The following SMARCA5 variants were observed in gnomAD, a reference collection of about 807,000 sequenced individuals.
The protein encoded by SMARCA5 is SWI/SNF-related matrix-associated actin-dependent regulator of chromatin subfamily A member 5.
SMARCA5 carries 18 observed loss-of-function variants against 140.4 expected under a neutral mutation model. The observed-to-expected ratio is 0.13, with a 90% CI of 0.09 to 0.19. The LOEUF (loss-of-function observed/expected upper bound fraction) is 0.19. Among genes scored for constraint, SMARCA5 ranks in the 10% least tolerant of loss-of-function variants. The pLI is 1.00. For synonymous variants in SMARCA5, 449 were observed against 419.6 expected, an observed-to-expected ratio of 1.07 and a Z score of -0.86; for missense variants, 606 against 1,276.8, an observed-to-expected ratio of 0.47 and a Z score of 8.01.
intron 9 of SMARCA5, among the ~76,000 whole-genome samples, chr4:143,533,906 T>C (rs962250725): frequency 2.6e-5 from 4 of 152,184 alleles, no homozygotes; most frequent in Non-Finnish European, 2.9e-5. Flanking sequence ...AACAAGTATA[T>C]ACTCAAACAT....
At chr4:143,540,758 A>C (rs1737411349) in intron 14 of SMARCA5, among the ~76,000 whole-genome samples, 2 of 152,192 alleles carry the variant, frequency 1.3e-5, no homozygotes, top group South Asian at 4.1e-4. Context: ...CTCATCTGTT[A>C]AGTGGGGATA....
At chr4:143,535,726 CTTG>C (rs1737288988) in intron 10 of SMARCA5, among the ~76,000 whole-genome samples, 1 of 152,038 alleles carries the variant, frequency 6.6e-6, no homozygotes, top group Non-Finnish European at 1.5e-5. Flanking sequence ...AAAGGTCTGC[CTTG>C]TTGTTTAAGC....
chr4:143,551,814 A>T (rs181089857), intron 23 of SMARCA5, among the ~76,000 whole-genome samples: 1 of 152,164 alleles, frequency 6.6e-6, no homozygotes, highest in East Asian at 1.9e-4. Flanking sequence ...TGGTTACTAT[A>T]GCTCGGTACT....
chr4:143,540,640 T>A, intron 14 of SMARCA5, 145 bp downstream of exon 14: 1 of 712,772 alleles, frequency 1.4e-6, no homozygotes, highest in Non-Finnish European at 2.3e-6. Context: ...GCAAATACAG[T>A]AAACTTTAGT....
At chr4:143,542,117 C>T (rs188987931) in intron 14 of SMARCA5, among the ~76,000 whole-genome samples, 170 of 152,262 alleles carry the variant, frequency 1.1e-3, no homozygotes, top group African/African-American at 3.9e-3. Context: ...ACCTCAGCCT[C>T]CCAAAGTGCT....
intron 9 of SMARCA5, among the ~76,000 whole-genome samples, chr4:143,532,943 G>A (rs1435725370): frequency 2.0e-5 from 3 of 152,132 alleles, no homozygotes; most frequent in Admixed American, 6.6e-5. Flanking sequence ...GGCTGAACTA[G>A]CTTTTCTACG....
At position 143,547,431 on chromosome 4, in the gene SMARCA5, T is replaced by G; in HGVS notation, c.2700T>G (p.Ile900Met). 1 of 1,611,006 alleles carries G rather than the reference T, an allele frequency of 6.2e-7. No homozygotes were observed. The highest frequency in any genetic ancestry group is 8.5e-7 in the Non-Finnish European group (1 of 1,177,602). Reference protein sequence around the residue: ...RCNELQDIEKIMAQIERGEAR... With the variant: ...RCNELQDIEKMMAQIERGEAR... Reference sequence around the variant, plus strand: ...ACGAGCTCCAGGACATAGAGAAGATTATGGCTCAGATTGAAAGGGGAGAGG... The same window carrying G: ...ACGAGCTCCAGGACATAGAGAAGATGATGGCTCAGATTGAAAGGGGAGAGG... The change falls in exon 21 of 24, where the codon ATT (isoleucine) becomes ATG (methionine). Residue 900 changes from isoleucine to methionine, a missense_variant. Physicochemically the swap from Ile to Met is conservative, Grantham distance 10. Coordinates refer to ENST00000283131, the MANE Select transcript of SMARCA5 (RefSeq NM_003601.4).
chr4:143,513,855 C>A lies in SMARCA5; in HGVS notation c.-70C>A. On this transcript the variant is annotated 5_prime_UTR_variant, in exon 1 of 24. Transcript: ENST00000283131. ...AGTTTATTGCGACGTAGCATCCAGG[C>A]CTAGGCCTCCCCGTCCATCCCCGCC... 6.7e-7 allele frequency: 1 copy of A among 1,491,670 alleles called. No homozygotes were observed. Among genetic ancestry groups the A allele is most frequent in the Non-Finnish European group, 9.0e-7 (1 of 1,115,354 alleles). 92.4% of individuals were successfully genotyped at this position (1,491,670 alleles called of 1,614,324 possible). A position where few individuals can be genotyped will look rare whatever the true frequency, so the allele number is the denominator to read the frequency against.
At chr4:143,547,619 A>C (rs1333597999) in intron 21 of SMARCA5, 116 bp downstream of exon 21, 1 of 651,004 alleles carries the variant, frequency 1.5e-6, no homozygotes, top group Non-Finnish European at 2.7e-6. Flanking sequence ...AAATTTCTTC[A>C]GAGTAGCATT....
At chr4:143,519,293 A>G (rs1292435290) in intron 2 of SMARCA5, among the ~76,000 whole-genome samples, 1 of 152,158 alleles carries the variant, frequency 6.6e-6, no homozygotes, top group Non-Finnish European at 1.5e-5. Flanking sequence ...TGTTCATGAC[A>G]GTACTGCATA....
chr4:143,513,959 C>T lies in SMARCA5; in HGVS notation c.35C>T (p.Pro12Leu), dbSNP rs767504303. The T allele has an allele frequency of 4.5e-6, 7 of 1,553,418 alleles. No homozygotes were observed. The highest frequency in any genetic ancestry group is 1.7e-4 in the Middle Eastern group (1 of 5,926). ...SSAAEPPPPP[P>L]PESAPSKPAA... ...GCGGCCGAGCCTCCGCCACCCCCGC[C>T]TCCCGAGAGCGCGCCTTCCAAGCCC... Residue 12 changes from proline to leucine, a missense_variant, in exon 1 of 24, where the codon CCT becomes CTT. Transcript: ENST00000283131.
At chr4:143,518,420 A>G (rs1736886960) in intron 2 of SMARCA5, among the ~76,000 whole-genome samples, 1 of 152,196 alleles carries the variant, frequency 6.6e-6, no homozygotes, top group Admixed American at 6.5e-5. Context: ...AATGTATTAA[A>G]TAAGAATACC....
At chr4:143,544,040 T>G in intron 16 of SMARCA5, 68 bp downstream of exon 16, 1 of 1,204,094 alleles carries the variant, frequency 8.3e-7, no homozygotes, top group Non-Finnish European at 1.1e-6. Context: ...TTTTAAGTGT[T>G]ACTGTAATGT....
chr4:143,523,848 A>G (rs370781608), intron 3 of SMARCA5, among the ~76,000 whole-genome samples: 3 of 152,306 alleles, frequency 2.0e-5, no homozygotes, highest in African/African-American at 2.4e-5. Context: ...CAGTATTAAA[A>G]CTTTAGAAAA....
At chr4:143,520,544 T>A (rs911871944) in intron 2 of SMARCA5, among the ~76,000 whole-genome samples, 1 of 152,252 alleles carries the variant, frequency 6.6e-6, no homozygotes, top group African/African-American at 2.4e-5. Context: ...AAATACGTAG[T>A]TGTTACAACA....
In SMARCA5 at chr4:143,528,576, C is replaced by A. The variant is rs752820268; in HGVS notation, c.958-7C>A. ...TTCTAATGGTGTATTTGGTTCTTTT[C>A]TTTCAGTTGTCAGAAATAGTGAGGG... is the stretch of plus-strand genomic sequence containing the variant. On this transcript the variant is annotated splice_polypyrimidine_tract_variant and splice_region_variant and intron_variant, in intron 7 of 23. Coordinates refer to ENST00000283131, the MANE Select transcript of SMARCA5 (RefSeq NM_003601.4). 34 of 1,606,866 alleles carry A rather than the reference C, an allele frequency of 2.1e-5. No individual in the cohort carries two copies. Among genetic ancestry groups the A allele is most frequent in the Non-Finnish European group, 2.9e-5 (34 of 1,176,890 alleles).
intron 3 of SMARCA5, among the ~76,000 whole-genome samples, chr4:143,522,634 G>A (rs1223376688): frequency 1.3e-5 from 2 of 151,890 alleles, no homozygotes; most frequent in African/African-American, 2.4e-5. Context: ...TAATACTTAC[G>A]AAACTTTGAA....
chr4:143,544,453 T>C (rs909557134), intron 16 of SMARCA5: 2 of 237,826 alleles, frequency 8.4e-6, no homozygotes, highest in African/African-American at 4.5e-5. Flanking sequence ...GTGTCTACAT[T>C]TTTCTCCTAG....
chr4:143,533,108 A>G (rs539424084), intron 9 of SMARCA5, among the ~76,000 whole-genome samples: 1 of 152,372 alleles, frequency 6.6e-6, no homozygotes, highest in Admixed American at 6.5e-5. Flanking sequence ...TTACTGTTCT[A>G]TGAAAATGAG....
Sources: gnomAD v4.1 joint callset for allele counts (sites outside exome capture counted in the v4.1 genomes callset) on GRCh38, gnomAD v4.1.1 for gene constraint, MANE v1.5 for transcripts, NCBI Gene and HGNC (gene_info 2026-07-23, HGNC 2026-07-21) for gene names.